CUX2: variants seen among roughly 807,000 people sequenced by gnomAD.
CUX2 encodes cut like homeobox 2.
A neutral mutation model predicts 144.8 loss-of-function variants in CUX2; 40 were observed. That is an observed-to-expected ratio of 0.28 (90% CI 0.21 to 0.36). The LOEUF is 0.36. CUX2 is among the 10% of genes least tolerant of loss of function. The pLI is 1.00. For synonymous variants in CUX2, 827 were observed against 875.6 expected (o/e 0.94, Z 0.98); for missense variants, 1,615 against 1,994.0 (o/e 0.81, Z 3.62).
At chr12:111,096,693 G>T (rs1872836108) in intron 1 of CUX2, among the ~76,000 whole-genome samples, 1 of 152,180 alleles carries the variant, frequency 6.6e-6, no homozygotes, top group Non-Finnish European at 1.5e-5. Context: ...TTGTTCAGGA[G>T]ATCTGGCTTG....
chr12:111,225,821 C>G (rs565557033), intron 3 of CUX2, among the ~76,000 whole-genome samples: 2 of 152,216 alleles, frequency 1.3e-5, no homozygotes, highest in African/African-American at 4.8e-5. Context: ...AGCTGTGATT[C>G]GAGCCCAAGT....
chr12:111,227,756 C>G (rs1003995751), intron 3 of CUX2, among the ~76,000 whole-genome samples: 8 of 152,158 alleles, frequency 5.3e-5, no homozygotes. Flanking sequence ...CTCTTCTCCC[C>G]AAGTGCCCTC....
chr12:111,291,476 C>G lies in CUX2; in HGVS notation c.360C>G (p.Ser120Arg). The G allele has an allele frequency of 6.2e-7, 1 of 1,612,966 alleles. No individual in the cohort carries two copies. The highest frequency in any genetic ancestry group is 1.3e-5 in the African/African-American group (1 of 75,044). The change falls in exon 5 of 22, where the codon AGC becomes AGG. Residue 120 changes from serine to arginine, a missense_variant. Coordinates refer to ENST00000261726, the MANE Select transcript of CUX2 (RefSeq NM_015267.4). ...RSLDDRLQPP[S>R]FDPSGQPRRD... The stretch of plus-strand genomic sequence containing the variant: ...TAGACGACAGACTGCAGCCCCCCAG[C>G]TTTGACCCCAGTGGGCAGCCCCGGC...
chr12:111,343,957 A>T (rs1888687199), intron 21 of CUX2, among the ~76,000 whole-genome samples: 1 of 152,138 alleles, frequency 6.6e-6, no homozygotes, highest in Non-Finnish European at 1.5e-5. Context: ...GGAGGCTGAG[A>T]CACGAGAATC....
At position 111,061,397 on chromosome 12, in the gene CUX2, A is replaced by G. The variant is rs1301763253; in HGVS notation, c.63+27157A>G. The stretch of plus-strand genomic sequence containing the variant: ...GGAGGAGGAGGGAAGCATGGGCTGT[A>G]GAAGGGTTTTCGGGGAATCCCACGA... On this transcript the variant is annotated intron_variant, in intron 1 of 21. Coordinates refer to ENST00000261726, the MANE Select transcript of CUX2 (RefSeq NM_015267.4). The surrounding 1 kb of genome is among the most constrained non-coding windows in gnomAD (Gnocchi z 4.2). Among the ~76,000 whole-genome samples, 2 of 152,210 alleles carry G rather than the reference A, an allele frequency of 1.3e-5. No homozygotes were observed. Among genetic ancestry groups the G allele is most frequent in the Non-Finnish European group, 2.9e-5 (2 of 68,038 alleles).
At chr12:111,323,022 C>A (rs922603930) in intron 18 of CUX2, among the ~76,000 whole-genome samples, 4 of 152,234 alleles carry the variant, frequency 2.6e-5, no homozygotes, top group African/African-American at 9.6e-5. Context: ...CACGAGCAGG[C>A]TGGAGTGTCA....
chr12:111,139,549 C>T (rs773454668), intron 1 of CUX2, among the ~76,000 whole-genome samples: 2 of 152,148 alleles, frequency 1.3e-5, no homozygotes, highest in Non-Finnish European at 2.9e-5. Context: ...TCAGAGGAGG[C>T]TCTTCTAAGG....
At chr12:111,154,895 C>T (rs1349074964) in intron 1 of CUX2, among the ~76,000 whole-genome samples, 2 of 152,138 alleles carry the variant, frequency 1.3e-5, no homozygotes, top group African/African-American at 2.4e-5. Flanking sequence ...GGGATGACAG[C>T]CTTGCTTTGG....
chr12:111,338,997 C>T (rs1888469820), intron 20 of CUX2, among the ~76,000 whole-genome samples: 1 of 152,168 alleles, frequency 6.6e-6, no homozygotes, highest in Non-Finnish European at 1.5e-5. Context: ...CTTTGGGAGG[C>T]TGAGGCGGGC....
At chr12:111,089,953 G>A (rs1872463061) in intron 1 of CUX2, among the ~76,000 whole-genome samples, 1 of 152,200 alleles carries the variant, frequency 6.6e-6, no homozygotes, top group Non-Finnish European at 1.5e-5. Context: ...AGCCATGGAG[G>A]TTTTGGGGCA....
chr12:111,034,169 GC>G lies in CUX2; in HGVS notation c.-4del. The G allele has an allele frequency of 1.4e-6, 2 of 1,397,048 alleles. No homozygotes were observed. The highest frequency in any genetic ancestry group is 1.2e-5 in the South Asian group (1 of 86,480). 86.5% of individuals were successfully genotyped at this position (1,397,048 alleles called of 1,614,324 possible). A position where few individuals can be genotyped will look rare whatever the true frequency, so the allele number is the denominator to read the frequency against. ...ACTCTTGTGTGTGCGCGTCTCGATAGCCCCCAAGATGGCCGCCAATGTGGGA... is the reference window on the plus strand; with the variant it reads ...ACTCTTGTGTGTGCGCGTCTCGATAGCCCCAAGATGGCCGCCAATGTGGGA... On this transcript the variant is annotated 5_prime_UTR_variant, in exon 1 of 22. Coordinates refer to ENST00000261726, the MANE Select transcript of CUX2 (RefSeq NM_015267.4). The surrounding 1 kb of genome is among the most constrained non-coding windows in gnomAD (Gnocchi z 4.2).
rs1886962301 is a variant in CUX2 at position 111,312,557 on chromosome 12, G to A, written c.2002+356G>A. 6.6e-6 allele frequency among the ~76,000 whole-genome samples: 1 copy of A among 150,810 alleles called. No individual in the cohort carries two copies. Among genetic ancestry groups the A allele is most frequent in the African/African-American group, 2.5e-5 (1 of 40,686 alleles). ...CTCTACTAAAAATACAAAATTACCT[G>A]GGCATGGTGATATGTGCCTGTAATC... On this transcript the variant is annotated intron_variant, in intron 16 of 21. Coordinates refer to ENST00000261726, the MANE Select transcript of CUX2 (RefSeq NM_015267.4). The surrounding 1 kb of genome is among the most constrained non-coding windows in gnomAD (Gnocchi z 4.3).
chr12:111,249,437 C>CTTTTTTTT (rs1359905002), intron 3 of CUX2, among the ~76,000 whole-genome samples: 1 of 101,216 alleles, frequency 9.9e-6, no homozygotes, highest in African/African-American at 5.3e-5. Context: ...TTAATAGACC[C>CTTTTTTTT]TTTTTTTGTT....
chr12:111,063,397 AT>A (rs950141166), intron 1 of CUX2, among the ~76,000 whole-genome samples: 4 of 151,632 alleles, frequency 2.6e-5, no homozygotes, highest in African/African-American at 9.7e-5. Flanking sequence ...GGGAATGAGT[AT>A]TTTTTTTCCT....
chr12:111,230,749 G>A (rs1290470010), intron 3 of CUX2, among the ~76,000 whole-genome samples: 1 of 152,192 alleles, frequency 6.6e-6, no homozygotes, highest in East Asian at 1.9e-4. Context: ...AATAACCAGG[G>A]CTGTGCTGGT....
At chr12:111,249,000 C>T (rs538756133) in intron 3 of CUX2, among the ~76,000 whole-genome samples, 4 of 152,240 alleles carry the variant, frequency 2.6e-5, no homozygotes, top group Admixed American at 2.6e-4. Flanking sequence ...CTGGAGGGTC[C>T]AAGAAAATAT....
intron 18 of CUX2, among the ~76,000 whole-genome samples, chr12:111,332,659 A>C (rs562809429): frequency 6.6e-6 from 1 of 152,310 alleles, no homozygotes. Flanking sequence ...AAATTGAAAC[A>C]GTAGAACAGC....
chr12:111,085,340 A>C (rs1411250881), intron 1 of CUX2, among the ~76,000 whole-genome samples: 1 of 152,140 alleles, frequency 6.6e-6, no homozygotes, highest in Non-Finnish European at 1.5e-5. Context: ...CTCCTTAGAG[A>C]GCCCATTGTT....
intron 4 of CUX2, among the ~76,000 whole-genome samples, chr12:111,266,873 C>T (rs554408097): frequency 5.3e-5 from 8 of 152,300 alleles, no homozygotes; most frequent in Admixed American, 5.2e-4. Flanking sequence ...GGACCAGAAA[C>T]ATCAGCCTCA....
Sources: allele counts gnomAD v4.1 joint callset (sites outside exome capture counted in the v4.1 genomes callset), GRCh38; gene constraint gnomAD v4.1.1; non-coding constraint Gnocchi (gnomAD v3.1); transcripts MANE v1.5; gene names NCBI Gene and HGNC (gene_info 2026-07-23, HGNC 2026-07-21).